CD6: variants seen among roughly 807,000 people sequenced by gnomAD.
CD6 encodes the protein CD6 molecule.
A neutral mutation model predicts 75.3 loss-of-function variants in CD6; 53 were observed. That is an observed-to-expected ratio of 0.70 (90% CI 0.56 to 0.88). CD6 has a LOEUF of 0.88. Among genes scored for constraint, CD6 ranks in the 40% least tolerant of loss-of-function variants. CD6 has a pLI of 0.00. For missense variants in CD6, 770 were observed against 897.1 expected, an observed-to-expected ratio of 0.86 and a Z score of 1.81; for synonymous variants, 359 against 381.5, an observed-to-expected ratio of 0.94 and a Z score of 0.69.
chr11:60,998,384 A>G (rs1397233666), intron 1 of CD6, among the ~76,000 whole-genome samples: 2 of 152,224 alleles, frequency 1.3e-5, no homozygotes, highest in African/African-American at 4.8e-5. Context: ...ATTATAATCA[A>G]AGAATGTAAG....
Position 61,013,962 on chromosome 11 carries a change from C to T in CD6, c.1335C>T (p.Ile445=), listed in dbSNP as rs1288131140. The T allele has an allele frequency of 6.2e-7, 1 of 1,613,898 alleles. No homozygotes were observed. The highest frequency in any genetic ancestry group is 1.3e-5 in the African/African-American group (1 of 75,048). Residue 445 remains isoleucine (I), a synonymous_variant, in exon 8 of 13, where the codon ATC becomes ATT. Transcript: ENST00000313421. ...ACCACCAGCACCTACCCACCACCATCCCGGCAGGGAGCAATAGCTATCAAC... is the reference window on the plus strand; with the variant it reads ...ACCACCAGCACCTACCCACCACCATTCCGGCAGGGAGCAATAGCTATCAAC... ...MVNHQHLPTT[I]PAGSNSYQPV... is the part of the protein sequence containing the mutation.
At chr11:60,998,322 G>A (rs1858402687) in intron 1 of CD6, among the ~76,000 whole-genome samples, 1 of 152,006 alleles carries the variant, frequency 6.6e-6, no homozygotes, top group Non-Finnish European at 1.5e-5. Flanking sequence ...TCATCTATGG[G>A]GCATACAGTA....
At chr11:61,006,460 A>G (rs1235227884) in intron 1 of CD6, 114 bp from the exon 2 acceptor site, 1 of 787,412 alleles carries the variant, frequency 1.3e-6, no homozygotes, top group Non-Finnish European at 2.1e-6. Context: ...TCTTTTCCAA[A>G]GGCCTCATGT....
intron 1 of CD6, among the ~76,000 whole-genome samples, chr11:60,978,792 G>T (rs1857459662): frequency 6.6e-6 from 1 of 152,164 alleles, no homozygotes; most frequent in African/African-American, 2.4e-5. Context: ...TCTCTGCATG[G>T]CCCCAGGGTG....
chr11:60,984,587 A>G (rs1381307391), intron 1 of CD6, among the ~76,000 whole-genome samples: 1 of 152,252 alleles, frequency 6.6e-6, no homozygotes, highest in East Asian at 1.9e-4. Context: ...CCGGTCTTCA[A>G]GAAGCTTCTA....
intron 1 of CD6, among the ~76,000 whole-genome samples, chr11:60,973,338 A>G (rs1857259524): frequency 6.6e-6 from 1 of 152,152 alleles, no homozygotes; most frequent in South Asian, 2.1e-4. Context: ...AGGTCAAACA[A>G]AGTAGTCCTG....
chr11:60,985,937 T>C (rs377759258), intron 1 of CD6, among the ~76,000 whole-genome samples: 55 of 152,356 alleles, frequency 3.6e-4, no homozygotes, highest in African/African-American at 1.3e-3. Context: ...TAATCTTATA[T>C]GTTAAACTGT....
chr11:60,992,685 G>A (rs145443399), intron 1 of CD6, among the ~76,000 whole-genome samples: 6 of 151,964 alleles, frequency 3.9e-5, no homozygotes, highest in Non-Finnish European at 5.9e-5. Flanking sequence ...AAAATTAGCC[G>A]AGCATGGTGG....
chr11:61,002,926 G>T (rs1858660055), intron 1 of CD6, among the ~76,000 whole-genome samples: 1 of 150,696 alleles, frequency 6.6e-6, no homozygotes, highest in South Asian at 2.1e-4. Flanking sequence ...ATCCGTTCAT[G>T]AAGGCAGACT....
chr11:60,976,069 A>G (rs982862237), intron 1 of CD6, among the ~76,000 whole-genome samples: 3 of 152,194 alleles, frequency 2.0e-5, no homozygotes, highest in African/African-American at 7.2e-5. Flanking sequence ...GTTTTGTTAC[A>G]CGGATATATT....
chr11:61,013,608 G>A (rs768532053), intron 7 of CD6, 45 bp downstream of exon 7: 7 of 1,602,760 alleles, frequency 4.4e-6, no homozygotes, highest in African/African-American at 4.0e-5. Context: ...AGGGGGATGT[G>A]AGCCTTGGCA....
chr11:60,983,627 G>T (rs1857676578), intron 1 of CD6, among the ~76,000 whole-genome samples: 1 of 150,058 alleles, frequency 6.7e-6, no homozygotes, highest in Non-Finnish European at 1.5e-5. Flanking sequence ...GTGTGTTTTT[G>T]TTGTTGTTTT....
chr11:61,013,828 G>A, intron 7 of CD6, 91 bp from the exon 8 acceptor site: 2 of 879,876 alleles, frequency 2.3e-6, no homozygotes. Flanking sequence ...GGAATGAGGA[G>A]GGTGGTGTGT....
Position 61,019,580 on chromosome 11 carries a change from G to C in CD6, c.*262G>C, listed in dbSNP as rs529555090. 4 of 391,378 alleles carry C rather than the reference G, an allele frequency of 1.0e-5. No homozygotes were observed. The highest frequency in any genetic ancestry group is 1.8e-5 in the Non-Finnish European group (4 of 219,950). 24.2% of individuals were successfully genotyped at this position (391,378 alleles called of 1,614,324 possible). A position where few individuals can be genotyped will look rare whatever the true frequency, so the allele number is the denominator to read the frequency against. ...CCAAGAGGTGTGAGCCCTCTGTCTCGGGGATGAACAAGCAGAGTCTGGGCT... is the reference window on the plus strand; with the variant it reads ...CCAAGAGGTGTGAGCCCTCTGTCTCCGGGATGAACAAGCAGAGTCTGGGCT... On this transcript the variant is annotated 3_prime_UTR_variant, in exon 13 of 13. Coordinates refer to ENST00000313421, the MANE Select transcript of CD6 (RefSeq NM_006725.5).
intron 1 of CD6, chr11:60,988,012 G>A (rs17751948): frequency 0.091 from 13,922 of 152,372 alleles, 745 homozygotes; most frequent in Non-Finnish European, 0.12. Context: ...ACTTTGAGCC[G>A]CCTCAGAAGC....
At chr11:60,982,822 CCCAGTCT>C (rs1308437230) in intron 1 of CD6, 2 of 340,418 alleles carry the variant, frequency 5.9e-6, no homozygotes, top group African/African-American at 9.4e-5. Context: ...GGCTGAGAAG[CCCAGTCT>C]GCAGGGACTC....
Position 61,019,556 on chromosome 11 carries a change from C to T in CD6, c.*238C>T. On this transcript the variant is annotated 3_prime_UTR_variant, in exon 13 of 13. Transcript: ENST00000313421. The stretch of plus-strand genomic sequence containing the variant: ...GCAGCCCCAGGGAGGATGCTGCCTC[C>T]AAGAGGTGTGAGCCCTCTGTCTCGG... 2.4e-6 allele frequency: 1 copy of T among 421,552 alleles called. No homozygotes were observed. Among genetic ancestry groups the T allele is most frequent in the Non-Finnish European group, 4.2e-6 (1 of 237,344 alleles). The allele number at this position is 421,552 out of a possible 1,614,324, so 26.1% of individuals were successfully genotyped here. A position where few individuals can be genotyped will look rare whatever the true frequency, so the allele number is the denominator to read the frequency against.
intron 1 of CD6, chr11:60,988,006 T>A (rs1387292500): frequency 6.6e-6 from 1 of 152,302 alleles, no homozygotes; most frequent in Non-Finnish European, 1.5e-5. Flanking sequence ...AGAAGGACTT[T>A]GAGCCGCCTC....
intron 1 of CD6, among the ~76,000 whole-genome samples, chr11:60,993,844 G>A (rs1229329667): frequency 6.6e-6 from 1 of 152,158 alleles, no homozygotes; most frequent in Non-Finnish European, 1.5e-5. Flanking sequence ...AGATGTTCAT[G>A]GAACTGAATG....
Sources: allele counts gnomAD v4.1 joint callset (sites outside exome capture counted in the v4.1 genomes callset), GRCh38; gene constraint gnomAD v4.1.1; transcripts MANE v1.5; gene names NCBI Gene and HGNC (gene_info 2026-07-23, HGNC 2026-07-21).